The following SLC25A21 variants were observed in gnomAD, a reference collection of about 807,000 sequenced individuals.
SLC25A21 encodes mitochondrial 2-oxodicarboxylate carrier.
In SLC25A21, 47 loss-of-function variants were observed where a neutral mutation model predicts 43.8. The ratio of observed to expected loss-of-function variants is 1.07; its 90% CI spans 0.85 to 1.37. The LOEUF is 1.37. Ranked by LOEUF, SLC25A21 falls within the 40% of genes most tolerant of loss-of-function variation. The pLI is 0.00. For missense variants in SLC25A21, 352 were observed against 350.2 expected (o/e 1.00, Z -0.04); for synonymous variants, 131 against 121.3 (o/e 1.08, Z -0.52).
intron 4 of SLC25A21, among the ~76,000 whole-genome samples, chr14:36,732,397 C>T (rs762405533): frequency 5.8e-4 from 88 of 152,140 alleles, no homozygotes; most frequent in Middle Eastern, 3.4e-3. Context: ...ACCCTGAAGC[C>T]GGAACCATGG....
chr14:36,860,914 A>G (rs968228663), intron 2 of SLC25A21, among the ~76,000 whole-genome samples: 1 of 152,230 alleles, frequency 6.6e-6, no homozygotes, highest in African/African-American at 2.4e-5. Flanking sequence ...GGTTTTTGCT[A>G]TAATAGGGAA....
intron 1 of SLC25A21, among the ~76,000 whole-genome samples, chr14:36,983,651 A>G (rs1327051113): frequency 6.6e-6 from 1 of 152,198 alleles, no homozygotes; most frequent in Non-Finnish European, 1.5e-5. Context: ...TACCCAAAGG[A>G]AAAGAAATAA....
intron 1 of SLC25A21, among the ~76,000 whole-genome samples, chr14:36,902,790 A>T (rs1891430595): frequency 6.6e-6 from 1 of 151,994 alleles, no homozygotes; most frequent in South Asian, 2.1e-4. Context: ...TGAGGCCAGG[A>T]GTTCCAGACT....
intron 1 of SLC25A21, among the ~76,000 whole-genome samples, chr14:37,004,623 C>T (rs1197414070): frequency 6.6e-6 from 1 of 152,136 alleles, no homozygotes; most frequent in African/African-American, 2.4e-5. Flanking sequence ...TTGTTTCAGC[C>T]GTTCTCTGAC....
chr14:36,943,944 T>C (rs1892625901), intron 1 of SLC25A21, among the ~76,000 whole-genome samples: 1 of 152,186 alleles, frequency 6.6e-6, no homozygotes, highest in Admixed American at 6.5e-5. Flanking sequence ...AAGATGTTTA[T>C]ATTAAATATA....
intron 1 of SLC25A21, among the ~76,000 whole-genome samples, chr14:37,043,668 T>A (rs1028430287): frequency 6.6e-6 from 1 of 152,188 alleles, no homozygotes; most frequent in Non-Finnish European, 1.5e-5. Flanking sequence ...AAGTTCTCTG[T>A]ACCTACAAAG....
intron 7 of SLC25A21, among the ~76,000 whole-genome samples, chr14:36,705,206 A>AT (rs151026449): frequency 0.15 from 22,302 of 150,316 alleles, 2,293 homozygotes; most frequent in East Asian, 0.29. Flanking sequence ...ATGCCTGGTT[A>AT]ATTTTTTTTT....
chr14:37,099,094 T>C (rs1282445558), intron 1 of SLC25A21, among the ~76,000 whole-genome samples: 1 of 152,136 alleles, frequency 6.6e-6, no homozygotes, highest in African/African-American at 2.4e-5. Context: ...TAAGCCACCA[T>C]GCCCAGCCGG....
intron 1 of SLC25A21, among the ~76,000 whole-genome samples, chr14:37,036,447 A>G (rs1309206122): frequency 6.6e-6 from 1 of 152,052 alleles, no homozygotes; most frequent in Non-Finnish European, 1.5e-5. Flanking sequence ...ACATTTTCTG[A>G]GTTAAAAAAA....
At chr14:36,982,222 G>T (rs1473229547) in intron 1 of SLC25A21, among the ~76,000 whole-genome samples, 1 of 152,182 alleles carries the variant, frequency 6.6e-6, no homozygotes, top group Non-Finnish European at 1.5e-5. Flanking sequence ...TTTCAAATAA[G>T]TTTTATGCTA....
chr14:37,003,608 A>G (rs1198679350), intron 1 of SLC25A21, among the ~76,000 whole-genome samples: 1 of 152,226 alleles, frequency 6.6e-6, no homozygotes, highest in African/African-American at 2.4e-5. Context: ...TGCATGCAAA[A>G]GCATGGATTA....
intron 2 of SLC25A21, among the ~76,000 whole-genome samples, chr14:36,830,769 C>T (rs865985712): frequency 1.5e-4 from 23 of 152,120 alleles, no homozygotes; most frequent in Admixed American, 5.9e-4. Flanking sequence ...TCCTCAATAT[C>T]CCATATTACC....
At chr14:36,887,138 TAC>T (rs1189075292) in intron 1 of SLC25A21, among the ~76,000 whole-genome samples, 1 of 152,042 alleles carries the variant, frequency 6.6e-6, no homozygotes, top group Non-Finnish European at 1.5e-5. Flanking sequence ...CTGTAATGTC[TAC>T]ATATTCATAT....
chr14:37,053,519 A>G (rs1961755666), intron 1 of SLC25A21, among the ~76,000 whole-genome samples: 3 of 152,194 alleles, frequency 2.0e-5, no homozygotes, highest in Admixed American at 1.3e-4. Flanking sequence ...CAGTAGAACA[A>G]TTTTTTAATG....
At chr14:36,863,026 G>A (rs1399897779) in intron 2 of SLC25A21, among the ~76,000 whole-genome samples, 3 of 152,112 alleles carry the variant, frequency 2.0e-5, no homozygotes, top group Admixed American at 6.5e-5. Flanking sequence ...AACCCTGAAC[G>A]GGGACTAGGG....
intron 7 of SLC25A21, among the ~76,000 whole-genome samples, chr14:36,710,239 G>T (rs1883782983): frequency 6.6e-6 from 1 of 151,932 alleles, no homozygotes; most frequent in Non-Finnish European, 1.5e-5. Flanking sequence ...TGGGTGCGGT[G>T]GTGGGCACCT....
chr14:37,115,725 G>A (rs950147537), intron 1 of SLC25A21, among the ~76,000 whole-genome samples: 5 of 152,118 alleles, frequency 3.3e-5, no homozygotes, highest in African/African-American at 1.2e-4. Flanking sequence ...ATATTCACAA[G>A]GCTAAAATAC....
At chr14:36,681,997 T>TAAC (rs1404855424) in intron 9 of SLC25A21, among the ~76,000 whole-genome samples, 4 of 152,198 alleles carry the variant, frequency 2.6e-5, no homozygotes, top group African/African-American at 9.6e-5. Context: ...TTTGGCCTAG[T>TAAC]AACAGTTGAG....
chr14:36,839,710 T>C (rs1889323292), intron 2 of SLC25A21, among the ~76,000 whole-genome samples: 1 of 152,206 alleles, frequency 6.6e-6, no homozygotes, highest in South Asian at 2.1e-4. Flanking sequence ...CAATAGGCAA[T>C]TTCTTCATTG....
Sources: allele counts gnomAD v4.1 joint callset (sites outside exome capture counted in the v4.1 genomes callset), GRCh38; gene constraint gnomAD v4.1.1; transcripts MANE v1.5; gene names NCBI Gene and HGNC (gene_info 2026-07-23, HGNC 2026-07-21).